The following GSTCD variants were observed in gnomAD, a reference collection of about 807,000 sequenced individuals.
GSTCD encodes the protein glutathione S-transferase C-terminal domain-containing protein.
GSTCD carries 44 observed loss-of-function variants against 68.3 expected under a neutral mutation model. The observed-to-expected ratio is 0.64, with a 90% CI of 0.51 to 0.83. The LOEUF is 0.83. GSTCD is among the 40% of genes least tolerant of loss of function. GSTCD has a pLI of 0.00. For missense variants in GSTCD, 739 were observed against 735.9 expected (o/e 1.00, Z -0.05); for synonymous variants, 273 against 255.2 (o/e 1.07, Z -0.67).
intron 5 of GSTCD, among the ~76,000 whole-genome samples, chr4:105,745,126 A>C (rs974678145): frequency 6.6e-6 from 1 of 152,166 alleles, no homozygotes; most frequent in Non-Finnish European, 1.5e-5. Flanking sequence ...ATAGCCTTTA[A>C]CATCATTATT....
At chr4:105,804,088 AC>A (rs897682064) in intron 5 of GSTCD, among the ~76,000 whole-genome samples, 2 of 151,984 alleles carry the variant, frequency 1.3e-5, no homozygotes, top group African/African-American at 4.8e-5. Flanking sequence ...CTATTTATGA[AC>A]CAAAAAAACT....
chr4:105,761,116 G>T (rs940296180), intron 5 of GSTCD: 2 of 195,540 alleles, frequency 1.0e-5, no homozygotes, highest in Non-Finnish European at 2.0e-5. Flanking sequence ...TAATTCTGCT[G>T]CTTCAGCCTC....
At chr4:105,774,451 A>G (rs1560822706) in intron 5 of GSTCD, among the ~76,000 whole-genome samples, 1 of 152,094 alleles carries the variant, frequency 6.6e-6, no homozygotes, top group Non-Finnish European at 1.5e-5. Context: ...AGTGTCGATA[A>G]TCTTCACAAT....
intron 9 of GSTCD, among the ~76,000 whole-genome samples, chr4:105,835,425 T>C (rs1239524768): frequency 6.6e-6 from 1 of 152,150 alleles, no homozygotes; most frequent in East Asian, 1.9e-4. Context: ...GGCAGGCATC[T>C]CCAGGCACCA....
chr4:105,785,363 C>T (rs1322691702), intron 5 of GSTCD, among the ~76,000 whole-genome samples: 2 of 151,838 alleles, frequency 1.3e-5, no homozygotes, highest in Non-Finnish European at 2.9e-5. Context: ...AAAAAAAAAT[C>T]ATACACCATA....
chr4:105,747,536 C>A (rs1432050823), intron 5 of GSTCD, among the ~76,000 whole-genome samples: 1 of 152,166 alleles, frequency 6.6e-6, no homozygotes, highest in African/African-American at 2.4e-5. Context: ...TCTTTGCCAC[C>A]CAGATAACAT....
At chr4:105,712,775 T>C (rs1221804134) in intron 1 of GSTCD, among the ~76,000 whole-genome samples, 1 of 152,176 alleles carries the variant, frequency 6.6e-6, no homozygotes, top group Non-Finnish European at 1.5e-5. Flanking sequence ...AGTGGGACTT[T>C]TGAGTTTTTG....
chr4:105,761,279 T>C (rs77988914), intron 5 of GSTCD: 8,923 of 166,866 alleles, frequency 0.053, 280 homozygotes, highest in Middle Eastern at 0.13. Context: ...GCCAGGATTA[T>C]AGGCTTCAGC....
chr4:105,771,195 A>G (rs1447562517), intron 5 of GSTCD, among the ~76,000 whole-genome samples: 2 of 151,224 alleles, frequency 1.3e-5, no homozygotes, highest in East Asian at 3.9e-4. Flanking sequence ...CCGTGCATAT[A>G]CTTCGCCAAC....
At chr4:105,760,402 A>G (rs1734361065) in intron 5 of GSTCD, among the ~76,000 whole-genome samples, 2 of 152,204 alleles carry the variant, frequency 1.3e-5, no homozygotes, top group Admixed American at 1.3e-4. Flanking sequence ...AACATGCTTA[A>G]AAGCATAATT....
intron 5 of GSTCD, among the ~76,000 whole-genome samples, chr4:105,738,996 T>A (rs1733548065): frequency 6.6e-6 from 1 of 152,232 alleles, no homozygotes; most frequent in African/African-American, 2.4e-5. Context: ...CTTTATTATG[T>A]TGAGGTATGT....
intron 5 of GSTCD, among the ~76,000 whole-genome samples, chr4:105,798,605 T>G (rs1435720520): frequency 6.6e-6 from 1 of 152,166 alleles, no homozygotes; most frequent in African/African-American, 2.4e-5. Flanking sequence ...CTTGTAGATC[T>G]CCATCAGAGC....
At position 105,755,607 on chromosome 4, in the gene GSTCD, G is replaced by T. The variant is rs117627220; in HGVS notation, c.1240+26108G>T. Among the ~76,000 whole-genome samples, 151 of 152,144 alleles carry T rather than the reference G, an allele frequency of 9.9e-4. 3 individuals carry two copies. The East Asian group carries it at 0.028, about 28-fold the overall frequency. On this transcript the variant is annotated intron_variant, in intron 5 of 11. Coordinates refer to ENST00000515279, the MANE Select transcript of GSTCD (RefSeq NM_001370181.1). Reference sequence around the variant, plus strand: ...GATAGTGTTAGATCTCACATGTTAAGGGTTCAGTTCCACAAAACTGCCCCC... The same window carrying T: ...GATAGTGTTAGATCTCACATGTTAATGGTTCAGTTCCACAAAACTGCCCCC...
At chr4:105,787,251 C>G (rs989395061) in intron 5 of GSTCD, among the ~76,000 whole-genome samples, 20 of 151,988 alleles carry the variant, frequency 1.3e-4, no homozygotes, top group African/African-American at 4.8e-4. Flanking sequence ...GGCCCTAACC[C>G]CAGAGTGTCT....
At chr4:105,827,883 A>G (rs1430016040) in intron 8 of GSTCD, among the ~76,000 whole-genome samples, 1 of 152,046 alleles carries the variant, frequency 6.6e-6, no homozygotes, top group African/African-American at 2.4e-5. Flanking sequence ...AGAAACAACT[A>G]AGTCTTTTTA....
chr4:105,789,392 AGT>A (rs1405717723), intron 5 of GSTCD, among the ~76,000 whole-genome samples: 5 of 152,058 alleles, frequency 3.3e-5, no homozygotes, highest in African/African-American at 1.2e-4. Flanking sequence ...CTACACAGTC[AGT>A]GTGTAGGCTG....
chr4:105,846,467 G>A lies in GSTCD; in HGVS notation c.*890G>A, dbSNP rs1247386630. ...ATAATTGCCATAAATTTCCTATTAC[G>A]GGAATGTGGAATTTGGACATACATT... is the stretch of plus-strand genomic sequence containing the variant. On this transcript the variant is annotated 3_prime_UTR_variant, in exon 12 of 12. Transcript: ENST00000515279. 2 of 151,986 alleles carry A rather than the reference G, an allele frequency of 1.3e-5. No individual in the cohort carries two copies. The highest frequency in any genetic ancestry group is 3.9e-4 in the East Asian group (2 of 5,194). 9.4% of individuals were successfully genotyped at this position (151,986 alleles called of 1,614,324 possible). A position where few individuals can be genotyped will look rare whatever the true frequency, so the allele number is the denominator to read the frequency against.
intron 5 of GSTCD, among the ~76,000 whole-genome samples, chr4:105,818,618 G>C (rs561079740): frequency 1.3e-5 from 2 of 151,864 alleles, no homozygotes; most frequent in East Asian, 3.9e-4. Flanking sequence ...GAGCAAAGGA[G>C]AGATACTTTA....
intron 5 of GSTCD, among the ~76,000 whole-genome samples, chr4:105,802,462 G>A (rs530661249): frequency 1.3e-5 from 2 of 152,164 alleles, no homozygotes; most frequent in East Asian, 3.9e-4. Flanking sequence ...CCTAAAGGCA[G>A]TAGAATCTTT....
Sources: allele counts gnomAD v4.1 joint callset (sites outside exome capture counted in the v4.1 genomes callset), GRCh38; gene constraint gnomAD v4.1.1; transcripts MANE v1.5; gene names NCBI Gene and HGNC (gene_info 2026-07-23, HGNC 2026-07-21).